Variants in SUCO observed in about 807,000 individuals in gnomAD.
SUCO encodes SUN domain containing ossification factor.
A neutral mutation model predicts 148.1 loss-of-function variants in SUCO; 57 were observed. The ratio of observed to expected loss-of-function variants is 0.38; its 90% CI spans 0.31 to 0.48. The LOEUF (loss-of-function observed/expected upper bound fraction) is 0.48, where lower values mean the gene tolerates loss of function less well. Ranked by LOEUF, SUCO falls within the 20% of genes least tolerant of loss-of-function variation. The pLI is 0.96. For synonymous variants in SUCO, 470 were observed against 502.7 expected (o/e 0.93, Z 0.87); for missense variants, 1,331 against 1,468.2 (o/e 0.91, Z 1.53).
At chr1:172,579,588 G>A (rs1387056147) in intron 15 of SUCO, among the ~76,000 whole-genome samples, 1 of 152,044 alleles carries the variant, frequency 6.6e-6, no homozygotes, top group East Asian at 1.9e-4. Context: ...TCATACCACA[G>A]TTAATCTATG....
intron 9 of SUCO, 187 bp downstream of exon 9, chr1:172,570,917 A>C: frequency 4.1e-6 from 2 of 482,486 alleles, no homozygotes; most frequent in Non-Finnish European, 7.5e-6. Flanking sequence ...AAAAGCAAAA[A>C]ATGGCAGATC....
At chr1:172,535,840 A>T (rs1281113931) in intron 1 of SUCO, among the ~76,000 whole-genome samples, 1 of 152,182 alleles carries the variant, frequency 6.6e-6, no homozygotes, top group African/African-American at 2.4e-5. Flanking sequence ...AATTTTGTAG[A>T]TCTTGATTAT....
intron 9 of SUCO, among the ~76,000 whole-genome samples, chr1:172,573,198 C>A (rs1263292113): frequency 1.3e-5 from 2 of 152,104 alleles, no homozygotes; most frequent in African/African-American, 2.4e-5. Context: ...TTTCATCATA[C>A]CTCTTTGTAA....
At chr1:172,553,644 A>G (rs1653481986) in intron 3 of SUCO, among the ~76,000 whole-genome samples, 1 of 152,090 alleles carries the variant, frequency 6.6e-6, no homozygotes, top group African/African-American at 2.4e-5. Context: ...ATTATGATGT[A>G]TCTTGTCTCT....
At chr1:172,590,902 A>G (rs1656605141) in intron 18 of SUCO, 82 bp from the exon 19 acceptor site, 1 of 966,962 alleles carries the variant, frequency 1.0e-6, no homozygotes, top group Admixed American at 2.2e-5. Context: ...TGTCTCATAT[A>G]TCAAAATCAG....
chr1:172,542,330 C>G (rs112895785), intron 1 of SUCO, among the ~76,000 whole-genome samples: 12 of 152,182 alleles, frequency 7.9e-5, no homozygotes, highest in Non-Finnish European at 1.6e-4. Flanking sequence ...TGCGGTGAAC[C>G]AAGATCGTGC....
At position 172,604,267 on chromosome 1, in the gene SUCO, C is replaced by T. The variant is rs184997044; in HGVS notation, c.3265+1480C>T. ...GGCCAAACAGAGTAGCTTTTTGCAC[C>T]TGATAATAGAATTACTTCTATTTTA... On this transcript the variant is annotated intron_variant, in intron 22 of 23. Coordinates refer to ENST00000263688, the MANE Select transcript of SUCO (RefSeq NM_014283.5). Among the ~76,000 whole-genome samples the T allele has an allele frequency of 5.3e-5, 8 of 151,902 alleles. No individual in the cohort carries two copies. In the East Asian group the frequency reaches 1.2e-3, roughly 22 times the overall value.
chr1:172,599,415 A>G (rs912332801), intron 19 of SUCO: 20 of 819,792 alleles, frequency 2.4e-5, no homozygotes, highest in Non-Finnish European at 2.8e-5. Flanking sequence ...TCCCTAAAGT[A>G]TGCATACAAA....
intron 10 of SUCO, among the ~76,000 whole-genome samples, chr1:172,574,326 A>C (rs1040088016): frequency 1.3e-5 from 2 of 152,140 alleles, no homozygotes; most frequent in African/African-American, 4.8e-5. Context: ...TCTGACTTCA[A>C]AGTCCTCACT....
intron 15 of SUCO, among the ~76,000 whole-genome samples, chr1:172,580,062 G>A (rs1001172598): frequency 2.0e-5 from 3 of 152,136 alleles, no homozygotes; most frequent in Non-Finnish European, 4.4e-5. Context: ...AAGTTTTTTA[G>A]CTATTCAACC....
chr1:172,574,663 C>T (rs114337757), intron 10 of SUCO, among the ~76,000 whole-genome samples: 2,334 of 151,962 alleles, frequency 0.015, 62 homozygotes, highest in African/African-American at 0.053. Context: ...TTAATGTGTA[C>T]ACATTATTTT....
At chr1:172,550,578 T>G (rs1219090039) in intron 1 of SUCO, among the ~76,000 whole-genome samples, 1 of 152,022 alleles carries the variant, frequency 6.6e-6, no homozygotes, top group Non-Finnish European at 1.5e-5. Context: ...AATTTTACTG[T>G]CTTTTCCATT....
At chr1:172,608,709 T>G (rs1406980463) in intron 22 of SUCO, 38 bp from the exon 23 acceptor site, 1 of 1,394,138 alleles carries the variant, frequency 7.2e-7, no homozygotes, top group South Asian at 1.2e-5. Flanking sequence ...AAATCCACTT[T>G]ACATTTTACA....
intron 15 of SUCO, among the ~76,000 whole-genome samples, chr1:172,580,896 G>A (rs528165993): frequency 1.2e-4 from 19 of 152,288 alleles, no homozygotes; most frequent in South Asian, 6.2e-4. Flanking sequence ...GAGGTCAGGA[G>A]TTTGAGACCA....
At chr1:172,568,277 T>A (rs1051912031) in intron 6 of SUCO, 1 of 962,966 alleles carries the variant, frequency 1.0e-6, no homozygotes, top group African/African-American at 1.8e-5. Context: ...TATTTCTTTT[T>A]ACAAATTTAT....
Position 172,570,713 on chromosome 1 carries a change from T to G in SUCO, c.1032T>G (p.Pro344=), listed in dbSNP as rs1454903194. 3.7e-6 allele frequency: 6 copies of G among 1,606,696 alleles called. No homozygotes were observed. The highest frequency in any genetic ancestry group is 5.1e-6 in the Non-Finnish European group (6 of 1,173,920). ...ATATGGATCTTTACATGTTGAATCC[T>G]TGCAGCACTAAAATTTGGTGAGTTA... The part of the protein sequence containing the change: ...IENMDLYMLN[P]CSTKIWFVIE... Residue 344 remains proline (P), a synonymous_variant, in exon 9 of 24, where the codon CCT becomes CCG. Coordinates refer to ENST00000263688, the MANE Select transcript of SUCO (RefSeq NM_014283.5).
In SUCO at chr1:172,533,701, T is replaced by C. The variant is rs186609945; in HGVS notation, c.62+204T>C. 3.3e-5 allele frequency among the ~76,000 whole-genome samples: 5 copies of C among 152,186 alleles called. No individual in the cohort carries two copies. In the East Asian group the frequency reaches 9.7e-4, roughly 29 times the overall value. On this transcript the variant is annotated intron_variant, in intron 1 of 23. Transcript: ENST00000263688. ...GAGATTTTCATGGTGTATTTTGGAA[T>C]TTACAGAGACTCAGTGGGAGAGAGA... is the stretch of plus-strand genomic sequence containing the variant.
At chr1:172,591,926 T>G (rs1656705387) in intron 19 of SUCO, among the ~76,000 whole-genome samples, 1 of 152,192 alleles carries the variant, frequency 6.6e-6, no homozygotes, top group African/African-American at 2.4e-5. Context: ...TTTCTCCACA[T>G]CCTCTCCAGC....
At chr1:172,548,342 T>C (rs1172641996) in intron 1 of SUCO, among the ~76,000 whole-genome samples, 1 of 151,980 alleles carries the variant, frequency 6.6e-6, no homozygotes, top group Admixed American at 6.5e-5. Flanking sequence ...TTGCCAGAAG[T>C]TTGTCTAATA....
Sources: gnomAD v4.1 joint callset for allele counts (sites outside exome capture counted in the v4.1 genomes callset) on GRCh38, gnomAD v4.1.1 for gene constraint, MANE v1.5 for transcripts, NCBI Gene and HGNC (gene_info 2026-07-23, HGNC 2026-07-21) for gene names.